The following MCTP1 variants were observed in gnomAD, a reference collection of about 807,000 sequenced individuals.
MCTP1 encodes the protein multiple C2 and transmembrane domain containing 1, also known as multiple C2 and transmembrane domain-containing protein 1.
A neutral mutation model predicts 120.6 loss-of-function variants in MCTP1; 69 were observed. The observed-to-expected ratio is 0.57, with a 90% CI of 0.47 to 0.70. The LOEUF is 0.70. Ranked by LOEUF, MCTP1 falls within the 30% of genes least tolerant of loss-of-function variation. The pLI is 0.00. For synonymous variants in MCTP1, 529 were observed against 493.1 expected (o/e 1.07, Z -0.96); for missense variants, 1,203 against 1,248.8 (o/e 0.96, Z 0.55).
In MCTP1 at chr5:94,894,707, T is replaced by C. The variant is rs1157966189; in HGVS notation, c.1781A>G (p.Asp594Gly). Reference sequence around the variant, plus strand: ...GTCCTCCAGGGAGTTGACAGACAGGTCAGAGATGCTGACTGTGGCTGATGC... The same window carrying C: ...GTCCTCCAGGGAGTTGACAGACAGGCCAGAGATGCTGACTGTGGCTGATGC... ...LTASATVSIS[D>G]LSVNSLEDQK... The change falls in exon 11 of 23, where the codon GAC (aspartate) becomes GGC (glycine). Residue 594 changes from aspartate to glycine, a missense_variant. By Grantham distance (94) the Asp-to-Gly change is moderately conservative. Around this residue, in one of 2 missense-constraint regions of MCTP1, gnomAD observed 740 missense variants for 871.1 expected, o/e 0.85. Transcript: ENST00000515393. 6.2e-7 allele frequency: 1 copy of C among 1,613,720 alleles called. No individual in the cohort carries two copies. Among genetic ancestry groups the C allele is most frequent in the Middle Eastern group, 1.7e-4 (1 of 6,052 alleles).
chr5:94,885,600 C>A, intron 12 of MCTP1, among the ~76,000 whole-genome samples: 1 of 150,858 alleles, frequency 6.6e-6, no homozygotes, highest in Admixed American at 6.6e-5. Flanking sequence ...GCCACCCACC[C>A]CACCCCACCC....
At chr5:94,961,224 A>G (rs540683028) in intron 2 of MCTP1, among the ~76,000 whole-genome samples, 2 of 149,332 alleles carry the variant, frequency 1.3e-5, no homozygotes, top group South Asian at 2.2e-4. Context: ...TTGAACAATG[A>G]GAACATATGG....
At chr5:94,746,661 C>T (rs989021327) in intron 19 of MCTP1, among the ~76,000 whole-genome samples, 1 of 152,188 alleles carries the variant, frequency 6.6e-6, no homozygotes, top group Non-Finnish European at 1.5e-5. Flanking sequence ...TTAAAATGAA[C>T]TTAATTTCCT....
intron 17 of MCTP1, among the ~76,000 whole-genome samples, chr5:94,849,254 T>G (rs1793145965): frequency 6.6e-6 from 1 of 152,164 alleles, no homozygotes; most frequent in African/African-American, 2.4e-5. Context: ...TAGTAACATA[T>G]GATTATAATA....
chr5:95,196,653 T>C (rs1202373143), intron 1 of MCTP1, among the ~76,000 whole-genome samples: 1 of 152,160 alleles, frequency 6.6e-6, no homozygotes, highest in Non-Finnish European at 1.5e-5. Context: ...AGCCTGAGTA[T>C]GAACAGTGAG....
intron 11 of MCTP1, among the ~76,000 whole-genome samples, chr5:94,892,376 T>A (rs779743150): frequency 1.5e-4 from 23 of 152,174 alleles, no homozygotes; most frequent in African/African-American, 5.5e-4. Context: ...CTAAACTAGC[T>A]CCTCTGGTTT....
intron 1 of MCTP1, among the ~76,000 whole-genome samples, chr5:95,093,758 T>G (rs1356070367): frequency 6.6e-6 from 1 of 152,230 alleles, no homozygotes; most frequent in Non-Finnish European, 1.5e-5. Flanking sequence ...AGGTGAGGAC[T>G]AAGTGCCTTC....
Position 94,944,349 on chromosome 5 carries a change from G to A in MCTP1, c.982-1922C>T, listed in dbSNP as rs559271755. On this transcript the variant is annotated intron_variant, in intron 3 of 22. Transcript: ENST00000515393. ...TCTGAGCTTTAGTCATCTGCTCAGT[G>A]GTATAGCATATGCATGTACTGCACA... Among the ~76,000 whole-genome samples the A allele has an allele frequency of 7.9e-5, 12 of 152,196 alleles. No homozygotes were observed. In the East Asian group the frequency reaches 2.1e-3, roughly 27 times the overall value.
At chr5:94,786,671 C>T (rs957226423) in intron 18 of MCTP1, among the ~76,000 whole-genome samples, 1 of 152,106 alleles carries the variant, frequency 6.6e-6, no homozygotes, top group Non-Finnish European at 1.5e-5. Flanking sequence ...ATGTAGTGTA[C>T]TGTGTGATTG....
intron 1 of MCTP1, among the ~76,000 whole-genome samples, chr5:95,064,828 T>C (rs1388490251): frequency 6.6e-6 from 1 of 152,238 alleles, no homozygotes; most frequent in Non-Finnish European, 1.5e-5. Flanking sequence ...TAATAAAGTA[T>C]TCAATAATTT....
chr5:95,085,328 CAT>C (rs1387572002), intron 1 of MCTP1, among the ~76,000 whole-genome samples: 2 of 151,680 alleles, frequency 1.3e-5, no homozygotes, highest in Admixed American at 6.6e-5. Flanking sequence ...TATTATATAA[CAT>C]AATATCCATA....
intron 1 of MCTP1, among the ~76,000 whole-genome samples, chr5:95,157,084 A>ACTT (rs1745209073): frequency 6.6e-6 from 1 of 152,180 alleles, no homozygotes; most frequent in Non-Finnish European, 1.5e-5. Context: ...TGGCCCTAAT[A>ACTT]CTTTTTTGAA....
At chr5:94,796,978 T>C (rs1267961879) in intron 18 of MCTP1, among the ~76,000 whole-genome samples, 2 of 152,000 alleles carry the variant, frequency 1.3e-5, no homozygotes, top group African/African-American at 2.4e-5. Flanking sequence ...TGGGTTGTGC[T>C]GGGGAAGAAA....
chr5:94,842,442 G>C (rs1375586781), intron 17 of MCTP1, among the ~76,000 whole-genome samples: 1 of 152,146 alleles, frequency 6.6e-6, no homozygotes, highest in Non-Finnish European at 1.5e-5. Context: ...CTAACATATG[G>C]ATTGTGTCAT....
intron 1 of MCTP1, among the ~76,000 whole-genome samples, chr5:95,280,484 C>T (rs183989133): frequency 6.6e-6 from 1 of 152,288 alleles, no homozygotes; most frequent in East Asian, 1.9e-4. Context: ...CCTAGCAAAA[C>T]ATAATTTTAG....
At chr5:95,023,115 T>C (rs190373331) in intron 1 of MCTP1, among the ~76,000 whole-genome samples, 1 of 152,144 alleles carries the variant, frequency 6.6e-6, no homozygotes, top group African/African-American at 2.4e-5. Context: ...GAGGCCCAGC[T>C]AAGGAGGTTT....
chr5:95,060,138 T>A lies in MCTP1; in HGVS notation c.721-42654A>T, dbSNP rs139252876. 4.8e-4 allele frequency among the ~76,000 whole-genome samples: 73 copies of A among 151,928 alleles called. 2 individuals carry two copies. The Middle Eastern group carries it at 0.014, about 28-fold the overall frequency. On this transcript the variant is annotated intron_variant, in intron 1 of 22. Coordinates refer to ENST00000515393, the MANE Select transcript of MCTP1 (RefSeq NM_024717.7). ...CGTGCCCTCTAGCTCTCTGGTCTCTTTAGTATGATAGTCTCTAGAGCCATG... is the reference window on the plus strand; with the variant it reads ...CGTGCCCTCTAGCTCTCTGGTCTCTATAGTATGATAGTCTCTAGAGCCATG...
At chr5:95,015,646 C>T (rs944712430) in intron 2 of MCTP1, among the ~76,000 whole-genome samples, 1 of 152,060 alleles carries the variant, frequency 6.6e-6, no homozygotes, top group Admixed American at 6.6e-5. Flanking sequence ...CTCTTTTGTA[C>T]TTCGCTTATG....
chr5:95,213,865 A>C (rs1344492351), intron 1 of MCTP1, among the ~76,000 whole-genome samples: 1 of 152,292 alleles, frequency 6.6e-6, no homozygotes, highest in East Asian at 1.9e-4. Context: ...AAATTACTTC[A>C]AGGTGGATTA....
Sources: gnomAD v4.1 joint callset for allele counts (sites outside exome capture counted in the v4.1 genomes callset) on GRCh38, gnomAD v4.1.1 for gene constraint, gnomAD v4.1.1 regional missense constraint, MANE v1.5 for transcripts, NCBI Gene and HGNC (gene_info 2026-07-23, HGNC 2026-07-21) for gene names.